The following PSMD11 variants were observed in gnomAD, a reference collection of about 807,000 sequenced individuals.
PSMD11 encodes the protein 26S proteasome non-ATPase regulatory subunit 11.
A neutral mutation model predicts 62.3 loss-of-function variants in PSMD11; 5 were observed. The ratio of observed to expected loss-of-function variants is 0.08; its 90% confidence interval spans 0.04 to 0.17. The LOEUF is 0.17. Among genes scored for constraint, PSMD11 ranks in the 10% least tolerant of loss-of-function variants. The pLI is 1.00. For synonymous variants in PSMD11, 191 were observed against 191.8 expected, an observed-to-expected ratio of 1.00 and a Z score of 0.03; for missense variants, 310 against 512.9, an observed-to-expected ratio of 0.60 and a Z score of 3.82.
At chr17:32,469,261 TG>T (rs1404581875) in intron 6 of PSMD11, 68 bp downstream of exon 6, 6 of 1,482,400 alleles carry the variant, frequency 4.0e-6, no homozygotes, top group Non-Finnish European at 5.5e-6. Flanking sequence ...GTGGAAGGAA[TG>T]GGGGTTGGGG....
At position 32,477,585 on chromosome 17, in the gene PSMD11, T is replaced by C; in HGVS notation, c.912+2T>C. 6.2e-7 allele frequency: 1 copy of C among 1,607,274 alleles called. No individual in the cohort carries two copies. The highest frequency in any genetic ancestry group is 8.5e-7 in the Non-Finnish European group (1 of 1,174,516). On this transcript the variant is annotated splice_donor_variant, in intron 9 of 13. Coordinates refer to ENST00000261712, the MANE Select transcript of PSMD11 (RefSeq NM_002815.4). LOFTEE classifies it high-confidence loss of function. The stretch of plus-strand genomic sequence containing the variant: ...AGATCACTGGCAGATTTTGAAAAGG[T>C]GAGTATGATATTGGGTTGGTATGGA...
At chr17:32,452,325 C>T (rs564566867) in intron 2 of PSMD11, among the ~76,000 whole-genome samples, 15 of 152,274 alleles carry the variant, frequency 9.9e-5, no homozygotes, top group African/African-American at 3.6e-4. Flanking sequence ...ATTAATATCA[C>T]AGGTACAGGT....
rs1908535365 is a variant in PSMD11 at position 32,482,625 on chromosome 17, T to C, written c.*1873T>C. On this transcript the variant is annotated 3_prime_UTR_variant, in exon 14 of 14. Transcript: ENST00000261712. ...GGCAGCATGGTCCAGTGAGCACATG[T>C]AAGTTTGGGCAGTAGATCCTCTGAG... 2.0e-5 allele frequency: 3 copies of C among 152,366 alleles called. No individual in the cohort carries two copies. The highest frequency in any genetic ancestry group is 3.9e-4 in the East Asian group (2 of 5,188). The allele number at this position is 152,366 out of a possible 1,614,324, so 9.4% of individuals were successfully genotyped here.
intron 5 of PSMD11, 40 bp from the exon 6 acceptor site, chr17:32,468,959 A>G: frequency 3.2e-6 from 5 of 1,584,666 alleles, no homozygotes; most frequent in Non-Finnish European, 4.3e-6. Flanking sequence ...TTAGGTATTA[A>G]GCTGATGGCT....
At chr17:32,477,310 A>G (rs1355060788) in intron 8 of PSMD11, 1 of 413,388 alleles carries the variant, frequency 2.4e-6, no homozygotes, top group Non-Finnish European at 4.3e-6. Flanking sequence ...AGTATTATTA[A>G]GTCATTTCAG....
chr17:32,452,194 G>A (rs1176651141), intron 2 of PSMD11, among the ~76,000 whole-genome samples: 2 of 152,166 alleles, frequency 1.3e-5, no homozygotes, highest in African/African-American at 4.8e-5. Flanking sequence ...CATATAACCT[G>A]TGAAGCCAAA....
At chr17:32,461,466 G>T (rs1033476390) in intron 3 of PSMD11, among the ~76,000 whole-genome samples, 6 of 151,956 alleles carry the variant, frequency 3.9e-5, no homozygotes, top group Non-Finnish European at 8.8e-5. Context: ...AGCTACTCAG[G>T]AGGCTGAGGC....
At chr17:32,457,516 G>A (rs1211519589) in intron 3 of PSMD11, among the ~76,000 whole-genome samples, 2 of 152,138 alleles carry the variant, frequency 1.3e-5, no homozygotes, top group Non-Finnish European at 1.5e-5. Flanking sequence ...GATTACAGGC[G>A]TGCAGCACTA....
intron 2 of PSMD11, among the ~76,000 whole-genome samples, chr17:32,448,439 C>A (rs1907392873): frequency 6.6e-6 from 1 of 151,852 alleles, no homozygotes; most frequent in Admixed American, 6.6e-5. Flanking sequence ...GCGATCTCGG[C>A]TCACTGCAAC....
intron 3 of PSMD11, chr17:32,454,895 C>T: frequency 3.3e-6 from 1 of 301,166 alleles, no homozygotes; most frequent in Non-Finnish European, 6.3e-6. Flanking sequence ...ATTGCCACAC[C>T]TTTGTAATGT....
At position 32,477,873 on chromosome 17, in the gene PSMD11, T is replaced by C. The variant is rs186850520; in HGVS notation, c.912+290T>C. 214 of 212,232 alleles carry C rather than the reference T, an allele frequency of 1.0e-3. 1 individual carries two copies. Among genetic ancestry groups the C allele is most frequent in the South Asian group, 2.9e-3 (22 of 7,520 alleles). 13.1% of individuals were successfully genotyped at this position (212,232 alleles called of 1,614,324 possible). On this transcript the variant is annotated intron_variant, in intron 9 of 13. Transcript: ENST00000261712. ...TTTCACAACACACCTATTTATTATC[T>C]GCATTTTATGGTTAAGGGAACTGGG... is the stretch of plus-strand genomic sequence containing the variant.
chr17:32,468,812 T>C (rs914632554), intron 5 of PSMD11, among the ~76,000 whole-genome samples, 187 bp from the exon 6 acceptor site: 14 of 152,318 alleles, frequency 9.2e-5, no homozygotes, highest in African/African-American at 3.4e-4. Context: ...CAAAGAGGTG[T>C]GTTTTTCTCT....
chr17:32,466,330 C>T (rs902149222), intron 5 of PSMD11, among the ~76,000 whole-genome samples: 20 of 152,100 alleles, frequency 1.3e-4, no homozygotes, highest in Non-Finnish European at 2.8e-4. Context: ...AAAGAAACTT[C>T]CTATTCATTA....
At position 32,468,453 on chromosome 17, in the gene PSMD11, G is replaced by A. The variant is rs531210531; in HGVS notation, c.449-546G>A. Reference sequence around the variant, plus strand: ...CTGTTTTCTTCTAGAAGTTTTATAGGTTTCACTCTTAAATTTATGTCTTTG... The same window carrying A: ...CTGTTTTCTTCTAGAAGTTTTATAGATTTCACTCTTAAATTTATGTCTTTG... On this transcript the variant is annotated intron_variant, in intron 5 of 13. Coordinates refer to ENST00000261712, the MANE Select transcript of PSMD11 (RefSeq NM_002815.4). 9.9e-5 allele frequency among the ~76,000 whole-genome samples: 15 copies of A among 152,138 alleles called. No homozygotes were observed. The East Asian group carries it at 2.5e-3, about 25-fold the overall frequency.
intron 7 of PSMD11, 135 bp downstream of exon 7, chr17:32,474,080 AG>A: frequency 9.4e-7 from 1 of 1,068,620 alleles, no homozygotes; most frequent in Non-Finnish European, 1.4e-6. Flanking sequence ...GGGCTGGCTA[AG>A]GTAGAGCGGG....
Position 32,446,970 on chromosome 17 carries a change from T to G in PSMD11, c.117T>G (p.Asp39Glu). 1 of 1,612,288 alleles carries G rather than the reference T, an allele frequency of 6.2e-7. No homozygotes were observed. Among genetic ancestry groups the G allele is most frequent in the Non-Finnish European group, 8.5e-7 (1 of 1,179,254 alleles). The change falls in exon 2 of 14, where the codon GAT (aspartate) becomes GAG (glutamate). Residue 39 changes from aspartate (D) to glutamate (E), a missense_variant. By Grantham distance (45) the Asp-to-Glu change is conservative. Around this residue, in one of 6 missense-constraint regions of PSMD11, gnomAD observed 50 missense variants for 94.4 expected, o/e 0.53. Coordinates refer to ENST00000261712, the MANE Select transcript of PSMD11 (RefSeq NM_002815.4). ...TGAAGCGTGACATTCAGGAAAACGATGAAGAGGCAGTGCAAGTCAAAGAGC... is the reference window on the plus strand; with the variant it reads ...TGAAGCGTGACATTCAGGAAAACGAGGAAGAGGCAGTGCAAGTCAAAGAGC... ...SIVKRDIQEN[D>E]EEAVQVKEQS...
chr17:32,479,279 G>T lies in PSMD11; in HGVS notation c.941G>T (p.Arg314Leu), dbSNP rs754789160. The change falls in exon 10 of 14, where the codon CGG (arginine) becomes CTG (leucine). Residue 314 changes from arginine (R) to leucine (L), a missense_variant. Arg to Leu is a moderately radical substitution (Grantham distance 102). Transcript: ENST00000261712. ...KALTDYRAEL[R>L]DDPIISTHLA... ...CTGACAGATTACCGGGCAGAGCTCCGGGATGACCCAATCATCAGCACACAC... is the reference window on the plus strand; with the variant it reads ...CTGACAGATTACCGGGCAGAGCTCCTGGATGACCCAATCATCAGCACACAC... 1.2e-6 allele frequency: 2 copies of T among 1,614,132 alleles called. No homozygotes were observed. Among genetic ancestry groups the T allele is most frequent in the Non-Finnish European group, 1.7e-6 (2 of 1,180,008 alleles).
intron 5 of PSMD11, among the ~76,000 whole-genome samples, chr17:32,467,225 G>A (rs1157329370): frequency 6.7e-6 from 1 of 148,220 alleles, no homozygotes; most frequent in Non-Finnish European, 1.5e-5. Context: ...TTACAGGCGT[G>A]AGCCACCATG....
rs769948222 is a variant in PSMD11 at position 32,480,636 on chromosome 17, G to C, written c.*5G>C. On this transcript the variant is annotated splice_donor_5th_base_variant and intron_variant, in intron 13 of 13. Transcript: ENST00000261712. The stretch of plus-strand genomic sequence containing the variant: ...AAAGCCAAGAAACTGACATAGGTGA[G>C]TGCTGGCTTCAGGACCCCAGGGCTG... 17 of 1,614,096 alleles carry C rather than the reference G, an allele frequency of 1.1e-5. No homozygotes were observed. Among genetic ancestry groups the C allele is most frequent in the Non-Finnish European group, 1.4e-5 (16 of 1,179,978 alleles).
Sources: gnomAD v4.1 joint callset for allele counts (sites outside exome capture counted in the v4.1 genomes callset) on GRCh38, gnomAD v4.1.1 for gene constraint, gnomAD v4.1.1 regional missense constraint, MANE v1.5 for transcripts, NCBI Gene and HGNC (gene_info 2026-07-23, HGNC 2026-07-21) for gene names.